Variants in PDGFRB observed in about 807,000 individuals in gnomAD.
PDGFRB encodes platelet derived growth factor receptor beta.
In PDGFRB, 42 loss-of-function variants were observed where a neutral mutation model predicts 120.2. That is an observed-to-expected ratio of 0.35 (90% CI 0.27 to 0.45). The LOEUF is 0.45. Among genes scored for constraint, PDGFRB ranks in the 20% least tolerant of loss-of-function variants. The pLI is 1.00. For synonymous variants in PDGFRB, 586 were observed against 606.8 expected (o/e 0.97, Z 0.50); for missense variants, 1,149 against 1,476.3 (o/e 0.78, Z 3.63).
chr5:150,148,891 T>C (rs770889276), intron 1 of PDGFRB, among the ~76,000 whole-genome samples: 4 of 152,154 alleles, frequency 2.6e-5, no homozygotes, highest in Non-Finnish European at 5.9e-5. Context: ...GCCAGGGCTC[T>C]GTGAGAGATG....
At chr5:150,136,002 C>T (rs1043177688) in intron 2 of PDGFRB, 124 bp from the exon 3 acceptor site, 24 of 613,110 alleles carry the variant, frequency 3.9e-5, no homozygotes, top group African/African-American at 2.8e-4. Flanking sequence ...CTCCTTTATC[C>T]GACAGACTGG....
intron 8 of PDGFRB, among the ~76,000 whole-genome samples, 185 bp downstream of exon 8, chr5:150,131,794 C>T (rs980422050): frequency 6.6e-6 from 1 of 152,180 alleles, no homozygotes; most frequent in Non-Finnish European, 1.5e-5. Context: ...CCTTATACAG[C>T]TGGGGAAACT....
chr5:150,122,093 C>G (rs1760157658), intron 15 of PDGFRB, 53 bp from the exon 16 acceptor site: 1 of 1,400,492 alleles, frequency 7.1e-7, no homozygotes, highest in Non-Finnish European at 1.0e-6. Flanking sequence ...CTTCCCCTCC[C>G]CTCCTGCCCC....
Position 150,130,539 on chromosome 5 carries a change from CT to C in PDGFRB, c.1366del (p.Arg456GlyfsTer25), listed in dbSNP as rs2113903945. 6.2e-7 allele frequency: 1 copy of C among 1,605,054 alleles called. No homozygotes were observed. Among genetic ancestry groups the C allele is most frequent in the Non-Finnish European group, 8.5e-7 (1 of 1,175,100 alleles). On this transcript the variant is annotated frameshift_variant and splice_region_variant, in exon 9 of 23. Coordinates refer to ENST00000261799, the MANE Select transcript of PDGFRB (RefSeq NM_002609.4). LOFTEE classifies it high-confidence loss of function. ...IIWSACRDLK[R>X]CPRELPPTLL... ...GAGACTGAGGCCCAGGTCTGCTCAC[CT>C]TTTGAGGTCTCTGCAGGCAGACCAG...
chr5:150,118,699 T>C, intron 21 of PDGFRB, 48 bp downstream of exon 21: 1 of 1,156,902 alleles, frequency 8.6e-7, no homozygotes, highest in Non-Finnish European at 1.3e-6. Flanking sequence ...GTGTCTGACT[T>C]CTGCACCAGA....
In PDGFRB at chr5:150,115,761, C is replaced by T. The variant is rs763771162; in HGVS notation, c.*2G>A. ...AGGCAGGGCAGGGTAGGGGCCAGCC[C>T]CCTACAGGAAGCTATCCTCTGCTTC... On this transcript the variant is annotated 3_prime_UTR_variant, in exon 23 of 23. Transcript: ENST00000261799. 2 of 1,596,042 alleles carry T rather than the reference C, an allele frequency of 1.3e-6. No individual in the cohort carries two copies. Among genetic ancestry groups the T allele is most frequent in the South Asian group, 1.1e-5 (1 of 88,774 alleles).
intron 21 of PDGFRB, among the ~76,000 whole-genome samples, chr5:150,118,206 C>G (rs1354378060): frequency 7.2e-5 from 11 of 152,112 alleles, no homozygotes; most frequent in Admixed American, 7.2e-4. Flanking sequence ...ACTCCATCTC[C>G]CAGGTCCCTG....
At position 150,124,176 on chromosome 5, in the gene PDGFRB, A is replaced by AG. The variant is rs56307526; in HGVS notation, c.2023+73dup. On this transcript the variant is annotated intron_variant, in intron 14 of 22. Coordinates refer to ENST00000261799, the MANE Select transcript of PDGFRB (RefSeq NM_002609.4). ...GGAGTGTGCTGTTGTGCAAGGCCTG[A>AG]GGGGGGGGTAGGCGGGGCCTGGCCT... The AG allele has an allele frequency of 3.8e-3, 3,657 of 964,304 alleles. 4 individuals carry two copies. The highest frequency in any genetic ancestry group is 5.0e-3 in the Non-Finnish European group (3,058 of 616,278). The allele number at this position is 964,304 out of a possible 1,614,324, so 59.7% of individuals were successfully genotyped here. A position where few individuals can be genotyped will look rare whatever the true frequency, so the allele number is the denominator to read the frequency against.
intron 13 of PDGFRB, 165 bp from the exon 14 acceptor site, chr5:150,124,525 G>A: frequency 1.6e-6 from 1 of 632,152 alleles, no homozygotes; most frequent in Non-Finnish European, 2.8e-6. Flanking sequence ...GGCCAGGGTA[G>A]GGGGAAGCAG....
At chr5:150,133,790 A>C (rs374335408) in intron 5 of PDGFRB, 30 bp from the exon 6 acceptor site, 26 of 1,612,216 alleles carry the variant, frequency 1.6e-5, no homozygotes, top group East Asian at 2.2e-5. Context: ...AGGCCCCCCA[A>C]ATCAGGAGGG....
At position 150,155,629 on chromosome 5, in the gene PDGFRB, C is replaced by T; in HGVS notation, c.-239G>A. Reference sequence around the variant, plus strand: ...GGGGAGAGGAGCGGCCCAGCTTCGCCTCACTCCCCAAGCATCCTTCGGGAG... The same window carrying T: ...GGGGAGAGGAGCGGCCCAGCTTCGCTTCACTCCCCAAGCATCCTTCGGGAG... On this transcript the variant is annotated 5_prime_UTR_variant, in exon 1 of 23. Transcript: ENST00000261799. 4 of 398,794 alleles carry T rather than the reference C, an allele frequency of 1.0e-5. No homozygotes were observed. Among genetic ancestry groups the T allele is most frequent in the Non-Finnish European group, 1.3e-5 (3 of 226,224 alleles). The allele number at this position is 398,794 out of a possible 1,614,324, so 24.7% of individuals were successfully genotyped here. A position where few individuals can be genotyped will look rare whatever the true frequency, so the allele number is the denominator to read the frequency against.
At chr5:150,139,495 G>A (rs73796330) in intron 1 of PDGFRB, among the ~76,000 whole-genome samples, 4,135 of 138,358 alleles carry the variant, frequency 0.03, 181 homozygotes, top group African/African-American at 0.13. Context: ...GAATCTTACC[G>A]GGGTGTTTTG....
rs866777654 is a variant in PDGFRB, at chr5:150,121,600, G to C, written c.2345-278C>G. On this transcript the variant is annotated intron_variant, in intron 16 of 22. Transcript: ENST00000261799. The surrounding 1 kb of genome is among the most constrained non-coding windows in gnomAD (Gnocchi z 4.1). ...GACACTAGACCAGCCTGGGGCTGAAGCTGAGTAGATCACTTTCCCTACCAC... is the reference window on the plus strand; with the variant it reads ...GACACTAGACCAGCCTGGGGCTGAACCTGAGTAGATCACTTTCCCTACCAC... Among the ~76,000 whole-genome samples, 2 of 151,994 alleles carry C rather than the reference G, an allele frequency of 1.3e-5. No individual in the cohort carries two copies. The highest frequency in any genetic ancestry group is 4.8e-5 in the African/African-American group (2 of 41,374).
chr5:150,120,067 G>C lies in PDGFRB; in HGVS notation c.2643C>G (p.Thr881=), dbSNP rs369191106. Residue 881 remains threonine (T), a synonymous_variant, in exon 19 of 23, where the codon ACC becomes ACG. Coordinates refer to ENST00000261799, the MANE Select transcript of PDGFRB (RefSeq NM_002609.4). The surrounding 1 kb of genome is among the most constrained non-coding windows in gnomAD (Gnocchi z 4.3). The part of the protein sequence containing the change: ...APESIFNSLY[T]TLSDVWSFGI... ...CGAAGGACCACACGTCGCTCAGGGT[G>C]GTGTAGAGGCTGTTGAAGATGCTCT... 9.3e-6 allele frequency: 15 copies of C among 1,608,990 alleles called. No homozygotes were observed. In the African/African-American group the frequency reaches 1.9e-4, roughly 20 times the overall value.
intron 10 of PDGFRB, among the ~76,000 whole-genome samples, chr5:150,129,436 A>C (rs557022592): frequency 1.3e-5 from 2 of 152,290 alleles, no homozygotes; most frequent in African/African-American, 4.8e-5. Flanking sequence ...ACATATCTAC[A>C]CACAGAGGAT....
intron 1 of PDGFRB, among the ~76,000 whole-genome samples, chr5:150,137,796 GAGA>G (rs1244541514): frequency 6.6e-6 from 1 of 152,238 alleles, no homozygotes; most frequent in Non-Finnish European, 1.5e-5. Context: ...CTGAGGCTCT[GAGA>G]AGGTGAGAAG....
intron 1 of PDGFRB, among the ~76,000 whole-genome samples, chr5:150,154,555 C>T (rs12520044): frequency 1.5e-3 from 221 of 152,324 alleles, no homozygotes; most frequent in Admixed American, 0.01. Flanking sequence ...CTGTTAGGAG[C>T]TGGGACTTTC....
At chr5:150,142,667 T>A (rs1000216985) in intron 1 of PDGFRB, among the ~76,000 whole-genome samples, 3 of 149,914 alleles carry the variant, frequency 2.0e-5, no homozygotes, top group African/African-American at 5.1e-5. Flanking sequence ...AAGGCCCCAG[T>A]AGATGCCTGA....
chr5:150,133,328 G>A (rs1760528183), intron 6 of PDGFRB, among the ~76,000 whole-genome samples: 1 of 152,146 alleles, frequency 6.6e-6, no homozygotes, highest in Non-Finnish European at 1.5e-5. Context: ...GTTGAGATAG[G>A]GTTGGATTTG....
Sources: allele counts gnomAD v4.1 joint callset (sites outside exome capture counted in the v4.1 genomes callset), GRCh38; gene constraint gnomAD v4.1.1; non-coding constraint Gnocchi (gnomAD v3.1); transcripts MANE v1.5; gene names NCBI Gene and HGNC (gene_info 2026-07-23, HGNC 2026-07-21).